Variants in LRRC17 observed in about 807,000 individuals in gnomAD.
LRRC17 encodes leucine rich repeat containing 17.
LRRC17 carries 33 observed loss-of-function variants against 41.5 expected under a neutral mutation model. That is an observed-to-expected ratio of 0.80 (90% confidence interval 0.60 to 1.06). The LOEUF (loss-of-function observed/expected upper bound fraction) is 1.06, where lower values mean the gene tolerates loss of function less well. Among genes scored for constraint, LRRC17 ranks in the 50% least tolerant of loss-of-function variants. The pLI is 0.00. For synonymous variants in LRRC17, 192 were observed against 197.0 expected, an observed-to-expected ratio of 0.97 and a Z score of 0.21; for missense variants, 491 against 519.3, an observed-to-expected ratio of 0.95 and a Z score of 0.53.
chr7:102,942,868 GA>G (rs1189891736), intron 3 of LRRC17, among the ~76,000 whole-genome samples: 1 of 152,154 alleles, frequency 6.6e-6, no homozygotes, highest in African/African-American at 2.4e-5. Flanking sequence ...AAACAATAAT[GA>G]GATAATGTTT....
intron 1 of LRRC17, among the ~76,000 whole-genome samples, chr7:102,918,857 T>G (rs1433562112): frequency 6.6e-6 from 1 of 152,244 alleles, no homozygotes; most frequent in Admixed American, 6.5e-5. Context: ...ATACTCTTTT[T>G]CTATGTTTAT....
Position 102,939,555 on chromosome 7 carries a change from A to G in LRRC17, c.898A>G (p.Ser300Gly). 6.2e-7 allele frequency: 1 copy of G among 1,613,924 alleles called. No individual in the cohort carries two copies. The highest frequency in any genetic ancestry group is 1.1e-5 in the South Asian group (1 of 91,052). Reference protein sequence around the residue: ...DVHELKKLNLSSNGIEFIDPA... With the variant: ...DVHELKKLNLGSNGIEFIDPA... Reference sequence around the variant, plus strand: ...TCATGAGCTGAAGAAATTAAACCTCAGCAGCAATGGCATTGAATTCATCGA... The same window carrying G: ...TCATGAGCTGAAGAAATTAAACCTCGGCAGCAATGGCATTGAATTCATCGA... The change falls in exon 3 of 4, where the codon AGC becomes GGC. Residue 300 changes from serine to glycine, a missense_variant. Ser to Gly is a moderately conservative substitution (Grantham distance 56, BLOSUM62 0). Transcript: ENST00000339431.
chr7:102,939,630 G>A (rs374421875), intron 3 of LRRC17, 45 bp downstream of exon 3: 3 of 1,539,124 alleles, frequency 1.9e-6, no homozygotes, highest in South Asian at 1.3e-5. Flanking sequence ...CAAGTGTTCT[G>A]TGATTTTTTT....
At chr7:102,942,282 T>C (rs1732998290) in intron 3 of LRRC17, 1 of 1,595,490 alleles carries the variant, frequency 6.3e-7, no homozygotes, top group African/African-American at 1.4e-5. Context: ...AGGTCTCCTA[T>C]ATTTCAGGGT....
intron 1 of LRRC17, among the ~76,000 whole-genome samples, chr7:102,917,313 A>G (rs1425835173): frequency 6.6e-6 from 1 of 152,212 alleles, no homozygotes; most frequent in African/African-American, 2.4e-5. Flanking sequence ...AGGTCAATTC[A>G]TCTATATAAA....
chr7:102,926,210 G>C (rs916307983), intron 1 of LRRC17: 4 of 1,414,868 alleles, frequency 2.8e-6, no homozygotes, highest in Admixed American at 1.9e-5. Flanking sequence ...CAGAATGCTA[G>C]AGCAAGCCAG....
chr7:102,924,876 G>A (rs901405881), intron 1 of LRRC17, among the ~76,000 whole-genome samples: 5 of 151,732 alleles, frequency 3.3e-5, no homozygotes, highest in East Asian at 1.9e-4. Flanking sequence ...TGATCCACCC[G>A]CCCCGGCCTC....
intron 2 of LRRC17, among the ~76,000 whole-genome samples, chr7:102,938,530 A>C (rs1432880490): frequency 6.6e-6 from 1 of 152,188 alleles, no homozygotes; most frequent in South Asian, 2.1e-4. Context: ...GCAAGCTTGT[A>C]AGGGGTAATA....
rs878986971 is a variant in LRRC17, at chr7:102,944,664, A to C, written c.*57A>C. The stretch of plus-strand genomic sequence containing the variant: ...GTATTTTCTATACTGGTGTTAGAAA[A>C]CATATGTTTACATTTGATTAACTGT... On this transcript the variant is annotated 3_prime_UTR_variant, in exon 4 of 4. Transcript: ENST00000339431. 4.2e-6 allele frequency: 6 copies of C among 1,428,282 alleles called. No homozygotes were observed. The highest frequency in any genetic ancestry group is 2.2e-5 in the Admixed American group (1 of 44,466). 88.5% of individuals were successfully genotyped at this position (1,428,282 alleles called of 1,614,324 possible).
chr7:102,929,434 G>C (rs1818730231), intron 1 of LRRC17, among the ~76,000 whole-genome samples: 1 of 152,104 alleles, frequency 6.6e-6, no homozygotes, highest in Non-Finnish European at 1.5e-5. Flanking sequence ...GGCCGAGGCG[G>C]GTGGATCACT....
chr7:102,931,681 T>C (rs530614607), intron 1 of LRRC17, among the ~76,000 whole-genome samples: 14 of 152,350 alleles, frequency 9.2e-5, no homozygotes, highest in African/African-American at 3.4e-4. Flanking sequence ...TGCCAGAGGC[T>C]CCAACACTGA....
chr7:102,918,496 T>C (rs908976958), intron 1 of LRRC17, among the ~76,000 whole-genome samples: 1 of 152,200 alleles, frequency 6.6e-6, no homozygotes, highest in Admixed American at 6.5e-5. Flanking sequence ...TGTTTTAAGT[T>C]AAAAAATAAT....
chr7:102,926,333 G>A, intron 1 of LRRC17: 1 of 1,614,020 alleles, frequency 6.2e-7, no homozygotes, highest in Non-Finnish European at 8.5e-7. Flanking sequence ...TGAGACACAG[G>A]ACCCCCGGGC....
intron 1 of LRRC17, chr7:102,933,195 A>T (rs1819557555): frequency 6.6e-6 from 1 of 152,142 alleles, no homozygotes; most frequent in Non-Finnish European, 1.5e-5. Flanking sequence ...GACATGCAGG[A>T]GATGACAAGG....
intron 1 of LRRC17, among the ~76,000 whole-genome samples, chr7:102,915,130 T>A (rs1445139961): frequency 1.3e-5 from 2 of 151,324 alleles, no homozygotes; most frequent in African/African-American, 4.9e-5. Context: ...ATATTTTTTT[T>A]TTTTTTTTTT....
chr7:102,944,075 A>T, intron 3 of LRRC17, 135 bp from the exon 4 acceptor site: 1 of 685,244 alleles, frequency 1.5e-6, no homozygotes, highest in Non-Finnish European at 2.3e-6. Flanking sequence ...TCTGAGAAAA[A>T]GAAAGGAAAA....
chr7:102,944,394 C>T lies in LRRC17; in HGVS notation c.1113C>T (p.Val371=). The part of the protein sequence containing the change: ...LYYWLKHHYN[V]HFNGLECKTP... ...ACTGGTTAAAGCACCACTACAATGT[C>T]CATTTTAATGGCCTGGAATGCAAAA... Residue 371 remains valine (V), a synonymous_variant, in exon 4 of 4, where the codon GTC becomes GTT. Coordinates refer to ENST00000339431, the MANE Select transcript of LRRC17 (RefSeq NM_001031692.3). 1 of 1,614,004 alleles carries T rather than the reference C, an allele frequency of 6.2e-7. No individual in the cohort carries two copies. The highest frequency in any genetic ancestry group is 8.5e-7 in the Non-Finnish European group (1 of 1,179,922).
intron 2 of LRRC17, among the ~76,000 whole-genome samples, chr7:102,937,095 G>A (rs926073822): frequency 1.3e-5 from 2 of 152,036 alleles, no homozygotes; most frequent in Non-Finnish European, 2.9e-5. Flanking sequence ...TATAAATAAG[G>A]TTTCATGACA....
In LRRC17 at chr7:102,933,975, C is replaced by T. The variant is rs746172859; in HGVS notation, c.62C>T (p.Ala21Val). ...TGCAAAGCGGCTGAGCTGCGCAAAGCAAGCCCAGGCAGTGTGAGAAGCCGA... is the reference window on the plus strand; with the variant it reads ...TGCAAAGCGGCTGAGCTGCGCAAAGTAAGCCCAGGCAGTGTGAGAAGCCGA... Reference protein sequence around the residue: ...CFCKAAELRKASPGSVRSRVN... With the variant: ...CFCKAAELRKVSPGSVRSRVN... Residue 21 changes from alanine (A) to valine (V), a missense_variant, in exon 2 of 4, where the codon GCA (alanine) becomes GTA (valine). Physicochemically the swap from Ala to Val is moderately conservative, Grantham distance 64. Transcript: ENST00000339431. The T allele has an allele frequency of 6.2e-7, 1 of 1,614,064 alleles. No homozygotes were observed. The highest frequency in any genetic ancestry group is 2.2e-5 in the East Asian group (1 of 44,876).
Sources: gnomAD v4.1 joint callset for allele counts (sites outside exome capture counted in the v4.1 genomes callset) on GRCh38, gnomAD v4.1.1 for gene constraint, MANE v1.5 for transcripts, NCBI Gene and HGNC (gene_info 2026-07-23, HGNC 2026-07-21) for gene names.